Variants in RPS24 observed in about 807,000 individuals in gnomAD.
RPS24 encodes the protein ribosomal protein S24.
For missense variants in RPS24, 100 were observed against 162.5 expected, an observed-to-expected ratio of 0.62 and a Z score of 2.09; for synonymous variants, 72 against 55.6, an observed-to-expected ratio of 1.30 and a Z score of -1.31.
chr10:78,044,783 A>G (rs1337051637), downstream of RPS24, among the ~76,000 whole-genome samples: 1 of 149,520 alleles, frequency 6.7e-6, no homozygotes, highest in African/African-American at 2.5e-5. Context: ...CTTGTATGCC[A>G]AGCTAAGGAT....
At chr10:78,044,888 T>C (rs1848027512), downstream of RPS24, among the ~76,000 whole-genome samples, 1 of 151,780 alleles carries the variant, frequency 6.6e-6, no homozygotes, top group Non-Finnish European at 1.5e-5. Flanking sequence ...GCCGAGTTCC[T>C]CCACACAGGA....
intron 2 of RPS24, 42 bp downstream of exon 2, chr10:78,035,459 T>C (rs1847843586): frequency 1.9e-5 from 30 of 1,612,754 alleles, no homozygotes; most frequent in Non-Finnish European, 2.3e-5. Context: ...TGTCCTTTAC[T>C]CTAAAGATGT....
chr10:78,040,262 C>G, intron 5 of RPS24, 37 bp downstream of exon 5: 1 of 1,567,460 alleles, frequency 6.4e-7, no homozygotes. Context: ...ATGTAGATCA[C>G]TAGACTCCTT....
At chr10:78,052,104 C>A (rs1036614687) in intron 4 of RPS24, among the ~76,000 whole-genome samples, 1 of 152,110 alleles carries the variant, frequency 6.6e-6, no homozygotes, top group African/African-American at 2.4e-5. Context: ...CGGCTCACTG[C>A]AACCTCTGCC....
At chr10:78,042,618 C>T (rs11815552), downstream of RPS24, among the ~76,000 whole-genome samples, 754 of 152,328 alleles carry the variant, frequency 4.9e-3, 6 homozygotes, top group African/African-American at 0.017. Context: ...GCAAACTTGA[C>T]TTTACTAAGC....
intron 3 of RPS24, among the ~76,000 whole-genome samples, chr10:78,036,715 A>G (rs1195476925): frequency 1.3e-5 from 2 of 152,220 alleles, no homozygotes; most frequent in African/African-American, 4.8e-5. Flanking sequence ...GTAAAGATAC[A>G]GAAACAGTCT....
chr10:78,051,343 G>A (rs1362872120), intron 4 of RPS24, among the ~76,000 whole-genome samples: 4 of 152,216 alleles, frequency 2.6e-5, no homozygotes, highest in Admixed American at 1.3e-4. Flanking sequence ...ATCATATAGT[G>A]TATATAGGTT....
At chr10:78,041,964 T>C (rs1193476475), downstream of RPS24, among the ~76,000 whole-genome samples, 1 of 152,156 alleles carries the variant, frequency 6.6e-6, no homozygotes, top group Non-Finnish European at 1.5e-5. Flanking sequence ...CCAGTAGCCT[T>C]GGGAAGGGAG....
rs941702323 is a variant in RPS24, at chr10:78,037,042, T to G, written c.280-152T>G. 5.7e-6 allele frequency: 5 copies of G among 873,966 alleles called. No homozygotes were observed. In the Admixed American group the frequency reaches 7.2e-5, roughly 13 times the overall value. The allele number at this position is 873,966 out of a possible 1,614,324, so 54.1% of individuals were successfully genotyped here. A position where few individuals can be genotyped will look rare whatever the true frequency, so the allele number is the denominator to read the frequency against. ...TAAAATCCCTTGATGATCCTTTCTGTTCCAGCAAAAACATGCATTAAATGT... is the reference window on the plus strand; with the variant it reads ...TAAAATCCCTTGATGATCCTTTCTGGTCCAGCAAAAACATGCATTAAATGT... On this transcript the variant is annotated intron_variant, in intron 3 of 5. Transcript: ENST00000372360.
At chr10:78,034,231 G>T (rs1019048711) in intron 1 of RPS24, 12 of 510,076 alleles carry the variant, frequency 2.4e-5, no homozygotes, top group African/African-American at 7.7e-5. Context: ...CTCGTCTGCA[G>T]TTCCTCATTG....
chr10:78,043,509 CAT>C (rs1193905944), downstream of RPS24, among the ~76,000 whole-genome samples: 1 of 152,196 alleles, frequency 6.6e-6, no homozygotes, highest in African/African-American at 2.4e-5. Context: ...ATATAAAACT[CAT>C]GACTGCCAGC....
exon 5 of RPS24, chr10:78,056,578 G>A (rs979045649): frequency 6.6e-6 from 1 of 152,148 alleles, no homozygotes; most frequent in Non-Finnish European, 1.5e-5. Context: ...TTGGTGGTTG[G>A]AGAGATCGCA....
chr10:78,035,940 T>C, intron 3 of RPS24: 1 of 556,856 alleles, frequency 1.8e-6, no homozygotes, highest in Non-Finnish European at 3.2e-6. Context: ...TGAAGTAGTG[T>C]TCTTGGAGAT....
chr10:78,048,606 G>A (rs532859807), intron 4 of RPS24, among the ~76,000 whole-genome samples: 1 of 151,696 alleles, frequency 6.6e-6, no homozygotes, highest in African/African-American at 2.4e-5. Flanking sequence ...ACCCAGCCGC[G>A]TGCGGTGGCT....
At chr10:78,043,536 C>T (rs1483770709), downstream of RPS24, among the ~76,000 whole-genome samples, 1 of 152,190 alleles carries the variant, frequency 6.6e-6, no homozygotes, top group African/African-American at 2.4e-5. Context: ...TGCCAGTTGC[C>T]ATGGGTTTAT....
intron 4 of RPS24, chr10:78,054,491 A>T (rs1848130799): frequency 6.7e-7 from 1 of 1,495,710 alleles, no homozygotes. Context: ...AGGCACCTGG[A>T]CAATCCTCTG....
At chr10:78,044,824 A>G (rs1240177582), downstream of RPS24, among the ~76,000 whole-genome samples, 1 of 150,954 alleles carries the variant, frequency 6.6e-6, no homozygotes. Context: ...GTTAAAGAAA[A>G]TAAAACGTTG....
chr10:78,040,194 A>G lies in RPS24; in HGVS notation c.391-10A>G. ...CCTTTCTCTTTTTCCCTTCCCCGCC[A>G]CTGATTCAGTGAGCTGGAGATTGGA... is the stretch of plus-strand genomic sequence containing the variant. On this transcript the variant is annotated splice_polypyrimidine_tract_variant and intron_variant, in intron 4 of 5. Transcript: ENST00000372360. The G allele has an allele frequency of 6.2e-7, 1 of 1,613,308 alleles. No homozygotes were observed.
At chr10:78,045,419 C>T (rs923459819), downstream of RPS24, among the ~76,000 whole-genome samples, 1 of 152,180 alleles carries the variant, frequency 6.6e-6, no homozygotes. Flanking sequence ...TTCTATTTCC[C>T]TCCCTGTGTC....
Sources: gnomAD v4.1 joint callset for allele counts (sites outside exome capture counted in the v4.1 genomes callset) on GRCh38, gnomAD v4.1.1 for gene constraint, MANE v1.5 for transcripts, NCBI Gene and HGNC (gene_info 2026-07-23, HGNC 2026-07-21) for gene names.